KCNQ1: variants seen among roughly 807,000 people sequenced by gnomAD.
The protein encoded by KCNQ1 is potassium voltage-gated channel subfamily Q member 1.
Under a neutral mutation model 72.4 loss-of-function variants are expected in KCNQ1, and 49 were observed. The ratio of observed to expected loss-of-function variants is 0.68; its 90% CI spans 0.54 to 0.86. The LOEUF (loss-of-function observed/expected upper bound fraction) is 0.86. Among genes scored for constraint, KCNQ1 ranks in the 40% least tolerant of loss-of-function variants. KCNQ1 has a pLI of 0.00. For synonymous variants in KCNQ1, 450 were observed against 412.6 expected (o/e 1.09, Z -1.10); for missense variants, 790 against 945.1 (o/e 0.84, Z 2.15).
chr11:2,466,302 G>T (rs1846350690), intron 1 of KCNQ1, among the ~76,000 whole-genome samples: 3 of 152,162 alleles, frequency 2.0e-5, no homozygotes, highest in Admixed American at 2.0e-4. Context: ...CGCCTGATGG[G>T]TGCTTGCTGG....
rs1053676768 is a variant in KCNQ1 at position 2,784,032 on chromosome 11, G to A, written c.1794+5995G>A. On this transcript the variant is annotated intron_variant, in intron 15 of 15. Transcript: ENST00000155840. The surrounding 1 kb of genome is among the most constrained non-coding windows in gnomAD (Gnocchi z 4.7). The stretch of plus-strand genomic sequence containing the variant: ...AATTTGTCTTTTCTTATATGGCTCA[G>A]GCTTTTGATGTTTTATCTAAGAACT... Among the ~76,000 whole-genome samples the A allele has an allele frequency of 6.6e-6, 1 of 151,808 alleles. No homozygotes were observed. The highest frequency in any genetic ancestry group is 2.4e-5 in the African/African-American group (1 of 41,370).
At position 2,683,082 on chromosome 11, in the gene KCNQ1, A is replaced by G. The variant is rs1850425231; in HGVS notation, c.1514+21001A>G. 1.3e-5 allele frequency: 5 copies of G among 398,394 alleles called. No homozygotes were observed. The highest frequency in any genetic ancestry group is 2.1e-5 in the African/African-American group (1 of 48,532). 24.7% of individuals were successfully genotyped at this position (398,394 alleles called of 1,614,324 possible). ...GGCTCTTGCTAGCCTGAGGACCAGGAGCCTTCAGATTTTCTTGTTCCCAGG... is the reference window on the plus strand; with the variant it reads ...GGCTCTTGCTAGCCTGAGGACCAGGGGCCTTCAGATTTTCTTGTTCCCAGG... On this transcript the variant is annotated intron_variant, in intron 11 of 15. Coordinates refer to ENST00000155840, the MANE Select transcript of KCNQ1 (RefSeq NM_000218.3). This position sits in a 1 kb window ranked among gnomAD's most constrained non-coding sequence, Gnocchi z 4.7.
chr11:2,729,691 G>A (rs1411160006), intron 11 of KCNQ1, among the ~76,000 whole-genome samples: 1 of 152,222 alleles, frequency 6.6e-6, no homozygotes, highest in East Asian at 1.9e-4. Context: ...GGAGATGGGA[G>A]GATGTATGTG....
In KCNQ1 at chr11:2,468,248, G is replaced by A. The variant is rs925100195; in HGVS notation, c.386+22764G>A. On this transcript the variant is annotated intron_variant, in intron 1 of 15. Coordinates refer to ENST00000155840, the MANE Select transcript of KCNQ1 (RefSeq NM_000218.3). This position sits in a 1 kb window ranked among gnomAD's most constrained non-coding sequence, Gnocchi z 5.7. ...TGCAGCCTCGACCTCCCTGGCTCAA[G>A]AGATCCTCCCGCCTCAGCCTCCTGA... Among the ~76,000 whole-genome samples, 1 of 152,164 alleles carries A rather than the reference G, an allele frequency of 6.6e-6. No individual in the cohort carries two copies. Among genetic ancestry groups the A allele is most frequent in the Non-Finnish European group, 1.5e-5 (1 of 68,036 alleles).
intron 2 of KCNQ1, among the ~76,000 whole-genome samples, chr11:2,532,304 C>A (rs1318016356): frequency 1.3e-5 from 2 of 152,232 alleles, no homozygotes; most frequent in African/African-American, 2.4e-5. Context: ...GCATCAAATG[C>A]ATAGGCCAGA....
At chr11:2,699,576 C>A (rs1034419699) in intron 11 of KCNQ1, 4 of 255,448 alleles carry the variant, frequency 1.6e-5, no homozygotes, top group Non-Finnish European at 1.9e-5. Context: ...TGCTGAGGAG[C>A]CCCCGGGGAG....
Position 2,677,262 on chromosome 11 carries a change from A to G in KCNQ1, c.1514+15181A>G, listed in dbSNP as rs1850309774. On this transcript the variant is annotated intron_variant, in intron 11 of 15. Coordinates refer to ENST00000155840, the MANE Select transcript of KCNQ1 (RefSeq NM_000218.3). This position sits in a 1 kb window ranked among gnomAD's most constrained non-coding sequence, Gnocchi z 4.5. The stretch of plus-strand genomic sequence containing the variant: ...ACACACAAAGTAAAGAGGAACTTAT[A>G]AAGAGGAACTGTAAATCTTGTCAAA... The G allele has an allele frequency of 2.5e-6, 1 of 398,514 alleles. No homozygotes were observed. Among genetic ancestry groups the G allele is most frequent in the Admixed American group, 4.4e-5 (1 of 22,712 alleles). 24.7% of individuals were successfully genotyped at this position (398,514 alleles called of 1,614,324 possible). A position where few individuals can be genotyped will look rare whatever the true frequency, so the allele number is the denominator to read the frequency against.
At chr11:2,539,976 A>C (rs1202511454) in intron 2 of KCNQ1, among the ~76,000 whole-genome samples, 1 of 152,176 alleles carries the variant, frequency 6.6e-6, no homozygotes, top group Non-Finnish European at 1.5e-5. Flanking sequence ...CTGACACAAC[A>C]CAACGGGACG....
At chr11:2,694,654 C>T (rs1850644257) in intron 11 of KCNQ1, 1 of 398,600 alleles carries the variant, frequency 2.5e-6, no homozygotes, top group East Asian at 3.6e-5. Context: ...GTGACACACC[C>T]ACCATGTGCG....
At chr11:2,736,561 C>T (rs1294872878) in intron 11 of KCNQ1, among the ~76,000 whole-genome samples, 1 of 152,164 alleles carries the variant, frequency 6.6e-6, no homozygotes, top group East Asian at 1.9e-4. Flanking sequence ...GAGCTGGACC[C>T]TTGAGGGAGT....
At chr11:2,490,517 TG>T (rs1212961443) in intron 1 of KCNQ1, among the ~76,000 whole-genome samples, 2 of 152,232 alleles carry the variant, frequency 1.3e-5, no homozygotes, top group Non-Finnish European at 2.9e-5. Flanking sequence ...ACAGTCCCAG[TG>T]GTGGTGGCCA....
At chr11:2,574,555 G>A (rs866366767) in intron 6 of KCNQ1, among the ~76,000 whole-genome samples, 5 of 152,212 alleles carry the variant, frequency 3.3e-5, no homozygotes, top group African/African-American at 4.8e-5. Flanking sequence ...AGAAAGGACC[G>A]GACTTGCTGG....
intron 10 of KCNQ1, chr11:2,632,665 T>C (rs1849380055): frequency 5.0e-6 from 2 of 398,284 alleles, no homozygotes; most frequent in Non-Finnish European, 8.9e-6. Flanking sequence ...CTCTGTTTTG[T>C]GAGCAGTCAA....
At chr11:2,529,280 T>G (rs1458025585) in intron 2 of KCNQ1, among the ~76,000 whole-genome samples, 1 of 152,180 alleles carries the variant, frequency 6.6e-6, no homozygotes, top group Non-Finnish European at 1.5e-5. Context: ...GGTACTAAAA[T>G]CAATTTCATG....
intron 10 of KCNQ1, among the ~76,000 whole-genome samples, chr11:2,597,789 A>G (rs1848752603): frequency 6.6e-6 from 1 of 152,172 alleles, no homozygotes; most frequent in Non-Finnish European, 1.5e-5. Context: ...GTTGTTCTAA[A>G]TTAGTTTATT....
In KCNQ1 at chr11:2,762,567, C is replaced by T. The variant is rs867344802; in HGVS notation, c.1515-6277C>T. Among the ~76,000 whole-genome samples, 4 of 152,186 alleles carry T rather than the reference C, an allele frequency of 2.6e-5. No individual in the cohort carries two copies. Among genetic ancestry groups the T allele is most frequent in the South Asian group, 2.1e-4 (1 of 4,836 alleles). ...TTCCACGGGTCCCCAGGCCACAGAC[C>T]GGTACCCATCCATAGACTGTTAGGA... On this transcript the variant is annotated intron_variant, in intron 11 of 15. Coordinates refer to ENST00000155840, the MANE Select transcript of KCNQ1 (RefSeq NM_000218.3). This position sits in a 1 kb window ranked among gnomAD's most constrained non-coding sequence, Gnocchi z 4.3.
rs1590015604 is a variant in KCNQ1, at chr11:2,662,519, G to A, written c.1514+438G>A. 7.0e-6 allele frequency: 3 copies of A among 426,274 alleles called. No individual in the cohort carries two copies. The Admixed American group carries it at 1.2e-4, about 17-fold the overall frequency. 26.4% of individuals were successfully genotyped at this position (426,274 alleles called of 1,614,324 possible). On this transcript the variant is annotated intron_variant, in intron 11 of 15. Transcript: ENST00000155840. ...TCCTCAGGGGCTCCTTCAGGTGGAG[G>A]AAATGGCTGATTTTCCACGCCTTCC...
Position 2,645,624 on chromosome 11 carries a change from A to G in KCNQ1, c.1394-16337A>G, listed in dbSNP as rs1849654347. On this transcript the variant is annotated intron_variant, in intron 10 of 15. Transcript: ENST00000155840. The surrounding 1 kb of genome is among the most constrained non-coding windows in gnomAD (Gnocchi z 5.8). ...CCAGGTGGTGACTATGGGCAGGGTC[A>G]CCTTTCCTCATGGCAGCCTTGCTTC... The G allele has an allele frequency of 7.5e-6, 3 of 398,580 alleles. No individual in the cohort carries two copies. In the East Asian group the frequency reaches 1.1e-4, roughly 14 times the overall value. 24.7% of individuals were successfully genotyped at this position (398,580 alleles called of 1,614,324 possible).
chr11:2,588,884 CG>C lies in KCNQ1; in HGVS notation c.1393+34del. 6.2e-7 allele frequency: 1 copy of C among 1,609,130 alleles called. No individual in the cohort carries two copies. Among genetic ancestry groups the C allele is most frequent in the East Asian group, 2.2e-5 (1 of 44,860 alleles). ...GAACCCCTCAGGCAGTTGGGGGCCG[CG>C]GGGCCGGGAAGGTCACTGCCTTTTT... On this transcript the variant is annotated intron_variant, in intron 10 of 15. Transcript: ENST00000155840. The surrounding 1 kb of genome is among the most constrained non-coding windows in gnomAD (Gnocchi z 5.6).
Sources: allele counts gnomAD v4.1 joint callset (sites outside exome capture counted in the v4.1 genomes callset), GRCh38; gene constraint gnomAD v4.1.1; non-coding constraint Gnocchi (gnomAD v3.1); transcripts MANE v1.5; gene names NCBI Gene and HGNC (gene_info 2026-07-23, HGNC 2026-07-21).